The following SRBD1 variants were observed in gnomAD, a reference collection of about 807,000 sequenced individuals.
SRBD1 encodes the protein S1 RNA binding domain 1.
In SRBD1, 88 loss-of-function variants were observed where a neutral mutation model predicts 115.3. The observed-to-expected ratio is 0.76, with a 90% CI of 0.64 to 0.91. The LOEUF is 0.91. Ranked by LOEUF, SRBD1 falls within the 40% of genes least tolerant of loss-of-function variation. SRBD1 has a pLI of 0.00. For missense variants in SRBD1, 1,385 were observed against 1,177.4 expected (o/e 1.18, Z -2.58); for synonymous variants, 509 against 407.7 (o/e 1.25, Z -2.99).
chr2:45,603,686 T>C (rs1558507878), intron 2 of SRBD1, among the ~76,000 whole-genome samples: 2 of 151,988 alleles, frequency 1.3e-5, no homozygotes, highest in Admixed American at 6.6e-5. Flanking sequence ...CGTGCCACCA[T>C]GCCTGGCTAA....
At chr2:45,610,043 C>A (rs898037146) in intron 1 of SRBD1, among the ~76,000 whole-genome samples, 5 of 152,166 alleles carry the variant, frequency 3.3e-5, no homozygotes, top group African/African-American at 1.2e-4. Context: ...ACATTGCATT[C>A]ATCTCTTTCT....
At chr2:45,530,447 T>C (rs1426198132) in intron 14 of SRBD1, among the ~76,000 whole-genome samples, 1 of 151,976 alleles carries the variant, frequency 6.6e-6, no homozygotes, top group African/African-American at 2.4e-5. Flanking sequence ...AGCAGCAGCA[T>C]GAATCAAAAG....
At chr2:45,427,987 G>C (rs1668209402) in intron 16 of SRBD1, among the ~76,000 whole-genome samples, 1 of 152,116 alleles carries the variant, frequency 6.6e-6, no homozygotes, top group South Asian at 2.1e-4. Flanking sequence ...ACTCAGCTCT[G>C]GACCAAGCAG....
At chr2:45,458,896 T>C (rs1182679922) in intron 16 of SRBD1, among the ~76,000 whole-genome samples, 4 of 151,816 alleles carry the variant, frequency 2.6e-5, no homozygotes, top group Non-Finnish European at 4.4e-5. Context: ...TTTTGGCAAA[T>C]ATTATATGAC....
At chr2:45,416,923 T>A (rs1378681555) in intron 18 of SRBD1, among the ~76,000 whole-genome samples, 3 of 152,030 alleles carry the variant, frequency 2.0e-5, no homozygotes, top group Non-Finnish European at 4.4e-5. Flanking sequence ...GGATTACAGG[T>A]GAGCACCACC....
At chr2:45,516,904 C>T (rs1029700692) in intron 14 of SRBD1, among the ~76,000 whole-genome samples, 1 of 152,104 alleles carries the variant, frequency 6.6e-6, no homozygotes, top group African/African-American at 2.4e-5. Context: ...GTACCATATG[C>T]TAGGCACACT....
At chr2:45,439,648 A>C (rs777848563) in intron 16 of SRBD1, among the ~76,000 whole-genome samples, 4 of 152,096 alleles carry the variant, frequency 2.6e-5, no homozygotes, top group Non-Finnish European at 4.4e-5. Flanking sequence ...CAAACAAAGC[A>C]AACAGCAAAA....
At chr2:45,459,378 ACT>A (rs1169610021) in intron 16 of SRBD1, among the ~76,000 whole-genome samples, 2 of 151,840 alleles carry the variant, frequency 1.3e-5, no homozygotes, top group African/African-American at 2.4e-5. Flanking sequence ...CAACGCTGCC[ACT>A]CTCTCTGATC....
chr2:45,481,360 C>A (rs1669958027), intron 15 of SRBD1, among the ~76,000 whole-genome samples: 1 of 151,914 alleles, frequency 6.6e-6, no homozygotes, highest in South Asian at 2.1e-4. Context: ...ATCAGGCTGA[C>A]AAAAGATTCT....
At position 45,599,634 on chromosome 2, in the gene SRBD1, G is replaced by C; in HGVS notation, c.463C>G (p.Pro155Ala). 6.2e-7 allele frequency: 1 copy of C among 1,614,176 alleles called. No individual in the cohort carries two copies. The highest frequency in any genetic ancestry group is 8.5e-7 in the Non-Finnish European group (1 of 1,180,024). Reference protein sequence around the residue: ...LEGESNSSETPSTSTVWGGTC... With the variant: ...LEGESNSSETASTSTVWGGTC... The stretch of plus-strand genomic sequence containing the variant: ...CCTCCCCACACAGTGCTTGTGGATG[G>C]TGTCTCTGAACTATTACTCTCACCC... Residue 155 changes from proline to alanine, a missense_variant, in exon 4 of 21, where the codon CCA becomes GCA. By Grantham distance (27) the Pro-to-Ala change is conservative. Coordinates refer to ENST00000263736, the MANE Select transcript of SRBD1 (RefSeq NM_018079.5).
At chr2:45,601,058 T>G (rs1300848786) in intron 3 of SRBD1, among the ~76,000 whole-genome samples, 2 of 151,448 alleles carry the variant, frequency 1.3e-5, no homozygotes, top group African/African-American at 4.9e-5. Context: ...CCTAAAAGAG[T>G]TGATAACCTA....
At chr2:45,414,508 T>C (rs1485811886) in intron 18 of SRBD1, among the ~76,000 whole-genome samples, 1 of 150,856 alleles carries the variant, frequency 6.6e-6, no homozygotes, top group Admixed American at 6.6e-5. Context: ...AGTGTGTGTG[T>C]ACACACATAG....
chr2:45,552,708 G>C (rs1439628689), intron 11 of SRBD1, among the ~76,000 whole-genome samples: 2 of 152,156 alleles, frequency 1.3e-5, no homozygotes, highest in African/African-American at 2.4e-5. Context: ...ATTCTAAAAG[G>C]AACAATATTT....
chr2:45,483,299 T>C (rs1458106647), intron 15 of SRBD1, among the ~76,000 whole-genome samples: 2 of 152,072 alleles, frequency 1.3e-5, no homozygotes, highest in Non-Finnish European at 2.9e-5. Flanking sequence ...ATAGAAAAAG[T>C]TAAGCATTAG....
chr2:45,425,421 A>T (rs920673307), intron 16 of SRBD1, among the ~76,000 whole-genome samples: 1 of 152,164 alleles, frequency 6.6e-6, no homozygotes, highest in Non-Finnish European at 1.5e-5. Context: ...TATGTGTACA[A>T]TCTAAATATC....
In SRBD1 at chr2:45,445,487, G is replaced by T. The variant is rs1668792976; in HGVS notation, c.2050-25593C>A. On this transcript the variant is annotated intron_variant, in intron 16 of 20. Coordinates refer to ENST00000263736, the MANE Select transcript of SRBD1 (RefSeq NM_018079.5). ...AGAGGATTTACTACATAGGTTAGGGGTCACAATGAGGCAAGTTTCTCTCTA... is the reference window on the plus strand; with the variant it reads ...AGAGGATTTACTACATAGGTTAGGGTTCACAATGAGGCAAGTTTCTCTCTA... Among the ~76,000 whole-genome samples, 2 of 139,948 alleles carry T rather than the reference G, an allele frequency of 1.4e-5. 1 individual carries two copies. Among genetic ancestry groups the T allele is most frequent in the South Asian group, 4.7e-4 (2 of 4,300 alleles). The allele number at this position is 139,948 out of a possible 152,430, so 91.8% of individuals were successfully genotyped here.
rs79093380 is a variant in SRBD1, at chr2:45,568,622, A to G, written c.1305+4585T>C. ...GTCAATCATAATCTTAAATTCAGTC[A>G]CTAACTCAGAATGCCACATTTGCTA... On this transcript the variant is annotated intron_variant, in intron 9 of 20. Transcript: ENST00000263736. Among the ~76,000 whole-genome samples, 556 of 152,320 alleles carry G rather than the reference A, an allele frequency of 3.7e-3. 10 individuals carry two copies. The highest frequency in any genetic ancestry group is 0.013 in the African/African-American group (530 of 41,564).
chr2:45,503,393 G>C (rs1470806603), intron 14 of SRBD1, among the ~76,000 whole-genome samples: 1 of 152,148 alleles, frequency 6.6e-6, no homozygotes, highest in African/African-American at 2.4e-5. Flanking sequence ...TATGGCTTTT[G>C]ACATCCTACT....
At chr2:45,606,461 A>G (rs1572834982) in intron 1 of SRBD1, among the ~76,000 whole-genome samples, 1 of 152,146 alleles carries the variant, frequency 6.6e-6, no homozygotes, top group Non-Finnish European at 1.5e-5. Flanking sequence ...TGCCCAGCCT[A>G]TTCTATATAT....
Sources: allele counts gnomAD v4.1 joint callset (sites outside exome capture counted in the v4.1 genomes callset), GRCh38; gene constraint gnomAD v4.1.1; transcripts MANE v1.5; gene names NCBI Gene and HGNC (gene_info 2026-07-23, HGNC 2026-07-21).